TENM3: variants seen among roughly 807,000 people sequenced by gnomAD.
TENM3 encodes the protein teneurin-3.
A neutral mutation model predicts 255.1 loss-of-function variants in TENM3; 63 were observed. The observed-to-expected ratio is 0.25, with a 90% CI of 0.20 to 0.30. TENM3 has a LOEUF of 0.30. TENM3 is among the 10% of genes least tolerant of loss of function. TENM3 has a pLI of 1.00. For synonymous variants in TENM3, 1,306 were observed against 1,322.3 expected, an observed-to-expected ratio of 0.99 and a Z score of 0.27; for missense variants, 2,929 against 3,461.1, an observed-to-expected ratio of 0.85 and a Z score of 3.86.
intron 6 of TENM3, among the ~76,000 whole-genome samples, chr4:182,671,218 AT>A (rs1755189461): frequency 6.6e-6 from 1 of 151,860 alleles, no homozygotes; most frequent in Non-Finnish European, 1.5e-5. Flanking sequence ...TACTCTCCCC[AT>A]TTTCTAAATG....
At chr4:182,616,296 TG>T (rs1749509024) in intron 4 of TENM3, among the ~76,000 whole-genome samples, 1 of 150,414 alleles carries the variant, frequency 6.6e-6, no homozygotes, top group Non-Finnish European at 1.5e-5. Context: ...ATGCGGTGTT[TG>T]GTTTTTTGTT....
At chr4:181,997,241 A>C in the TENM3 span, among the ~76,000 whole-genome samples, 1 of 152,266 alleles carries the variant, frequency 6.6e-6, no homozygotes, top group East Asian at 1.9e-4. Context: ...AGCCCAGCAA[A>C]GATGATAGTG....
intron 1 of TENM3, among the ~76,000 whole-genome samples, chr4:182,164,642 C>A (rs1751587569): frequency 6.6e-6 from 1 of 152,206 alleles, no homozygotes; most frequent in African/African-American, 2.4e-5. Flanking sequence ...TGATATGTGT[C>A]TTTCTTTTCC....
At chr4:182,250,426 A>G (rs1405258886) in intron 1 of TENM3, among the ~76,000 whole-genome samples, 2 of 152,152 alleles carry the variant, frequency 1.3e-5, no homozygotes, top group Non-Finnish European at 2.9e-5. Flanking sequence ...TATTTGGCAG[A>G]TGAGGAAATG....
intron 1 of TENM3, among the ~76,000 whole-genome samples, chr4:182,272,969 C>A (rs2150227550): frequency 6.6e-6 from 1 of 152,084 alleles, no homozygotes; most frequent in African/African-American, 2.4e-5. Flanking sequence ...TGGGGAGTGA[C>A]AAGGTTTGAT....
chr4:182,377,948 C>T (rs978981483), intron 3 of TENM3, among the ~76,000 whole-genome samples: 21 of 152,208 alleles, frequency 1.4e-4, no homozygotes, highest in Non-Finnish European at 2.4e-4. Context: ...TGAAAAACTG[C>T]GATTTCGGAT....
In TENM3 at chr4:182,743,999, A is replaced by G. The variant is rs562743868; in HGVS notation, c.3629+580A>G. On this transcript the variant is annotated intron_variant, in intron 19 of 27. Coordinates refer to ENST00000511685, the MANE Select transcript of TENM3 (RefSeq NM_001080477.4). ...CTAGACTACAGAATTCATTTCCAGT[A>G]TCATTTCTGCCAAGTTGGCAATTTT... The G allele has an allele frequency of 3.0e-4, 115 of 382,720 alleles. 3 individuals carry two copies. In the South Asian group the frequency reaches 9.1e-3, roughly 30 times the overall value. The allele number at this position is 382,720 out of a possible 1,614,324, so 23.7% of individuals were successfully genotyped here. A position where few individuals can be genotyped will look rare whatever the true frequency, so the allele number is the denominator to read the frequency against.
the TENM3 span, among the ~76,000 whole-genome samples, chr4:181,741,141 A>G: frequency 6.6e-6 from 1 of 152,340 alleles, no homozygotes; most frequent in South Asian, 2.1e-4. Context: ...GGTGAAGCCC[A>G]GCGTCCAATA....
At chr4:182,570,321 A>G (rs1343594658) in intron 3 of TENM3, among the ~76,000 whole-genome samples, 1 of 152,212 alleles carries the variant, frequency 6.6e-6, no homozygotes, top group East Asian at 1.9e-4. Context: ...CATATATCAC[A>G]TTAGAGAAAA....
chr4:181,464,169 G>A, the TENM3 span, among the ~76,000 whole-genome samples: 3 of 152,250 alleles, frequency 2.0e-5, no homozygotes. Context: ...TATATGTCCA[G>A]AAGCAGAATT....
the TENM3 span, among the ~76,000 whole-genome samples, chr4:181,689,343 T>C: frequency 6.6e-6 from 1 of 152,210 alleles, no homozygotes; most frequent in Non-Finnish European, 1.5e-5. Flanking sequence ...TTTCTGTTTG[T>C]TGTTTGAAAT....
At chr4:181,902,947 C>T in the TENM3 span, among the ~76,000 whole-genome samples, 5 of 152,076 alleles carry the variant, frequency 3.3e-5, no homozygotes, top group Middle Eastern at 3.2e-3. Flanking sequence ...TATTTAAGTA[C>T]GTTGTGTTTT....
At chr4:181,589,976 CT>C in the TENM3 span, among the ~76,000 whole-genome samples, 1 of 152,170 alleles carries the variant, frequency 6.6e-6, no homozygotes, top group Non-Finnish European at 1.5e-5. Context: ...TTCTCAACTG[CT>C]TTTGACTCAA....
intron 3 of TENM3, among the ~76,000 whole-genome samples, chr4:182,599,296 T>A (rs1057142207): frequency 1.3e-5 from 2 of 152,186 alleles, no homozygotes; most frequent in African/African-American, 2.4e-5. Flanking sequence ...AAAAGCGTAT[T>A]TCAGTCTGAG....
chr4:182,356,590 G>C (rs986202350), intron 3 of TENM3, among the ~76,000 whole-genome samples: 3 of 152,114 alleles, frequency 2.0e-5, no homozygotes, highest in Admixed American at 2.0e-4. Flanking sequence ...TGGAGTAGAG[G>C]CGATTGAGGG....
the TENM3 span, among the ~76,000 whole-genome samples, chr4:182,012,192 C>T: frequency 6.6e-6 from 1 of 152,164 alleles, no homozygotes; most frequent in South Asian, 2.1e-4. Flanking sequence ...GGTTATTTTG[C>T]ACCATCAAGT....
chr4:181,696,446 A>G, the TENM3 span, among the ~76,000 whole-genome samples: 1 of 152,214 alleles, frequency 6.6e-6, no homozygotes, highest in African/African-American at 2.4e-5. Context: ...TGTATTAGGA[A>G]TGCCCTCTAA....
At chr4:181,635,117 G>A in the TENM3 span, among the ~76,000 whole-genome samples, 4 of 152,078 alleles carry the variant, frequency 2.6e-5, no homozygotes, top group East Asian at 7.7e-4. Context: ...TAATTCTAAT[G>A]GGATTTAGCC....
chr4:181,978,811 G>A, the TENM3 span, among the ~76,000 whole-genome samples: 3 of 151,258 alleles, frequency 2.0e-5, no homozygotes, highest in Non-Finnish European at 4.4e-5. Flanking sequence ...ACTTAGGAAC[G>A]TATGAAATAA....
Sources: allele counts gnomAD v4.1 joint callset (sites outside exome capture counted in the v4.1 genomes callset), GRCh38; gene constraint gnomAD v4.1.1; transcripts MANE v1.5; gene names NCBI Gene and HGNC (gene_info 2026-07-23, HGNC 2026-07-21).